GPHN: variants seen among roughly 807,000 people sequenced by gnomAD.
The protein encoded by GPHN is gephyrin.
A neutral mutation model predicts 95.5 loss-of-function variants in GPHN; 17 were observed. The observed-to-expected ratio is 0.18, with a 90% CI of 0.12 to 0.27. The LOEUF is 0.27. Among genes scored for constraint, GPHN ranks in the 10% least tolerant of loss-of-function variants. The pLI, the probability that GPHN is intolerant of heterozygous loss-of-function variation, is 1.00. For missense variants in GPHN, 660 were observed against 978.1 expected (o/e 0.67, Z 4.34); for synonymous variants, 320 against 322.5 (o/e 0.99, Z 0.08).
At chr14:67,393,291 G>A in the GPHN span, 32 of 1,268,922 alleles carry the variant, frequency 2.5e-5, 1 homozygote, top group South Asian at 3.7e-4. Context: ...ACGCGGGCAG[G>A]TATAAGGGAG....
At chr14:67,410,522 C>T in the GPHN span, among the ~76,000 whole-genome samples, 17 of 152,158 alleles carry the variant, frequency 1.1e-4, no homozygotes, top group Non-Finnish European at 2.5e-4. Flanking sequence ...GTGGGCGTGG[C>T]GCTTTGTACT....
chr14:67,726,194 A>G, the GPHN span: 3 of 1,175,480 alleles, frequency 2.6e-6, no homozygotes, highest in Non-Finnish European at 3.8e-6. Context: ...AGGTACACCC[A>G]CTATCTTTTC....
chr14:66,941,869 T>TG (rs1336808711), intron 8 of GPHN, among the ~76,000 whole-genome samples: 1 of 152,134 alleles, frequency 6.6e-6, no homozygotes, highest in African/African-American at 2.4e-5. Context: ...ATACCTTACT[T>TG]GATTATTAAG....
intron 1 of GPHN, among the ~76,000 whole-genome samples, chr14:66,652,182 A>T (rs1476669278): frequency 1.3e-5 from 2 of 152,150 alleles, no homozygotes. Flanking sequence ...TATTTATTAA[A>T]CACCTATCAT....
chr14:67,127,341 G>GGTTTTT (rs138886251), intron 17 of GPHN, among the ~76,000 whole-genome samples: 78,770 of 150,810 alleles, frequency 0.52, 23,968 homozygotes, highest in African/African-American at 0.85. Context: ...GGTTTGTTTG[G>GGTTTTT]GTTTTTGTTT....
the GPHN span, among the ~76,000 whole-genome samples, chr14:67,427,651 T>G: frequency 1.3e-5 from 2 of 152,342 alleles, no homozygotes; most frequent in East Asian, 3.9e-4. Flanking sequence ...AAATACCACC[T>G]ACTCTGAGAA....
intron 2 of GPHN, among the ~76,000 whole-genome samples, chr14:66,768,704 A>G (rs1396774162): frequency 1.3e-5 from 2 of 152,034 alleles, no homozygotes; most frequent in Non-Finnish European, 2.9e-5. Context: ...CCCCACTTTC[A>G]ATAATGGATA....
At chr14:66,601,620 A>C (rs1231893432) in intron 1 of GPHN, among the ~76,000 whole-genome samples, 1 of 151,982 alleles carries the variant, frequency 6.6e-6, no homozygotes, top group East Asian at 1.9e-4. Context: ...GGAAGTCTTA[A>C]AGATGAACAA....
chr14:66,576,145 G>A (rs1257027119), intron 1 of GPHN, among the ~76,000 whole-genome samples: 1 of 152,016 alleles, frequency 6.6e-6, no homozygotes, highest in Non-Finnish European at 1.5e-5. Flanking sequence ...AGCTGTGGAT[G>A]CTGGCCTGGT....
At chr14:66,570,673 A>G (rs965667253) in intron 1 of GPHN, among the ~76,000 whole-genome samples, 14 of 151,990 alleles carry the variant, frequency 9.2e-5, no homozygotes, top group African/African-American at 3.1e-4. Flanking sequence ...TCTATTTTTA[A>G]TTTTTTGAGG....
intron 1 of GPHN, among the ~76,000 whole-genome samples, chr14:66,636,117 G>A (rs757538744): frequency 6.6e-6 from 1 of 151,948 alleles, no homozygotes; most frequent in Admixed American, 6.6e-5. Context: ...CTGGATATTT[G>A]TTCATTATTT....
chr14:67,666,675 C>T, the GPHN span, among the ~76,000 whole-genome samples: 2 of 152,132 alleles, frequency 1.3e-5, no homozygotes, highest in African/African-American at 2.4e-5. Context: ...TGTACCTCAG[C>T]GATCATCTAG....
chr14:67,725,354 A>C, the GPHN span: 1 of 1,220,868 alleles, frequency 8.2e-7, no homozygotes, highest in East Asian at 2.5e-5. Context: ...ACCATCATCC[A>C]CCCCACTAGA....
intron 2 of GPHN, among the ~76,000 whole-genome samples, chr14:66,699,920 A>G (rs7145547): frequency 0.31 from 47,303 of 152,070 alleles, 11,184 homozygotes; most frequent in African/African-American, 0.64. Flanking sequence ...TTAAAATTTG[A>G]AAAAACAACT....
At position 67,159,456 on chromosome 14, in the gene GPHN, G is replaced by GC; in HGVS notation, c.1878_1879insC (p.Ile627HisfsTer22). The GC allele has an allele frequency of 6.2e-7, 1 of 1,607,666 alleles. No individual in the cohort carries two copies. The highest frequency in any genetic ancestry group is 8.5e-7 in the Non-Finnish European group (1 of 1,174,234). ...TGCTGGACATTGATCTTCATGCTCAGATCCATTTTGGCAGGGTTTTTATGA... is the reference window on the plus strand; with the variant it reads ...TGCTGGACATTGATCTTCATGCTCAGCATCCATTTTGGCAGGGTTTTTATGA... On this transcript the variant is annotated frameshift_variant, in exon 19 of 23. Transcript: ENST00000478722. LOFTEE classifies it high-confidence loss of function.
chr14:66,856,036 C>T (rs971714145), intron 4 of GPHN, among the ~76,000 whole-genome samples: 22 of 152,066 alleles, frequency 1.4e-4, no homozygotes, highest in African/African-American at 5.3e-4. Flanking sequence ...ATCCAAACAA[C>T]ACTAGTATTG....
At chr14:66,983,588 T>A (rs555989059) in intron 9 of GPHN, among the ~76,000 whole-genome samples, 46 of 152,214 alleles carry the variant, frequency 3.0e-4, no homozygotes, top group Non-Finnish European at 6.0e-4. Flanking sequence ...TTTCCTCTTA[T>A]GATGGTTTCA....
the GPHN span, among the ~76,000 whole-genome samples, chr14:67,468,379 C>T: frequency 1.3e-5 from 2 of 152,338 alleles, no homozygotes; most frequent in East Asian, 1.9e-4. Flanking sequence ...GCAGTCTAAA[C>T]ATTGCAGCCT....
chr14:66,681,994 T>TGTG (rs2066964752), intron 2 of GPHN, among the ~76,000 whole-genome samples: 2 of 152,312 alleles, frequency 1.3e-5, no homozygotes, highest in South Asian at 4.1e-4. Flanking sequence ...ACATGTAATA[T>TGTG]ACCCTCCCAC....
Sources: gnomAD v4.1 joint callset for allele counts (sites outside exome capture counted in the v4.1 genomes callset) on GRCh38, gnomAD v4.1.1 for gene constraint, MANE v1.5 for transcripts, NCBI Gene and HGNC (gene_info 2026-07-23, HGNC 2026-07-21) for gene names.